Variants in CCDC12 observed in about 807,000 individuals in gnomAD.
CCDC12 encodes the protein coiled-coil domain containing 12.
A neutral mutation model predicts 25.7 loss-of-function variants in CCDC12; 28 were observed. The observed-to-expected ratio is 1.09, with a 90% CI of 0.81 to 1.50. The LOEUF (loss-of-function observed/expected upper bound fraction) is 1.50. Among genes scored for constraint, CCDC12 ranks in the 40% most tolerant of loss-of-function variants. The pLI is 0.00. For missense variants in CCDC12, 198 were observed against 210.0 expected, an observed-to-expected ratio of 0.94 and a Z score of 0.35; for synonymous variants, 75 against 87.7, an observed-to-expected ratio of 0.86 and a Z score of 0.81.
At chr3:46,939,517 G>C (rs2033608178) in intron 2 of CCDC12, among the ~76,000 whole-genome samples, 1 of 152,250 alleles carries the variant, frequency 6.6e-6, no homozygotes, top group African/African-American at 2.4e-5. Context: ...GGGAAACTGT[G>C]CCAGCACCCA....
chr3:46,940,341 G>A (rs538238979), intron 2 of CCDC12, among the ~76,000 whole-genome samples: 5 of 152,304 alleles, frequency 3.3e-5, no homozygotes, highest in African/African-American at 1.2e-4. Flanking sequence ...AGACCCTCAC[G>A]TGTGCTGTGT....
chr3:46,927,134 G>A (rs770936981), intron 2 of CCDC12, among the ~76,000 whole-genome samples: 6 of 152,266 alleles, frequency 3.9e-5, no homozygotes, highest in Middle Eastern at 3.4e-3. Context: ...GAACCACTGC[G>A]GGCGATGGGG....
chr3:46,950,011 G>A (rs1264065445), intron 1 of CCDC12, among the ~76,000 whole-genome samples: 5 of 139,774 alleles, frequency 3.6e-5, no homozygotes, highest in Non-Finnish European at 6.1e-5. Flanking sequence ...GGGTGACAGA[G>A]TGAGACTCCA....
chr3:46,941,093 C>G, intron 1 of CCDC12, 28 bp from the exon 2 acceptor site: 1 of 1,612,098 alleles, frequency 6.2e-7, no homozygotes. Context: ...AAACCACCAG[C>G]TCAGTTGAAA....
rs1368485693 is a variant in CCDC12, at chr3:46,922,292, G to T, written c.362C>A (p.Ala121Asp). ...CTTTTTTAGTTTCTCCAGCTTCTTGGCCACATCTCTCTTGAGGTCCCTGGA... is the reference window on the plus strand; with the variant it reads ...CTTTTTTAGTTTCTCCAGCTTCTTGTCCACATCTCTCTTGAGGTCCCTGGA... ...KPDWDLKRDV[A>D]KKLEKLKKRT... Residue 121 changes from alanine (A) to aspartate (D), a missense_variant, in exon 6 of 7, where the codon GCC (alanine) becomes GAC (aspartate). Coordinates refer to ENST00000683445, the MANE Select transcript of CCDC12 (RefSeq NM_001277074.2). 1.2e-6 allele frequency: 2 copies of T among 1,614,132 alleles called. No homozygotes were observed. Among genetic ancestry groups the T allele is most frequent in the Middle Eastern group, 1.6e-4 (1 of 6,084 alleles).
chr3:46,959,249 T>C (rs538497126), intron 1 of CCDC12, among the ~76,000 whole-genome samples: 17 of 152,292 alleles, frequency 1.1e-4, no homozygotes, highest in African/African-American at 3.6e-4. Context: ...TATGGAAAGG[T>C]TGAGAAAGCA....
rs1283999579 is a variant in CCDC12 at position 46,963,167 on chromosome 3, G to A, written c.96+13470C>T. Among the ~76,000 whole-genome samples the A allele has an allele frequency of 5.9e-5, 9 of 152,322 alleles. No homozygotes were observed. The South Asian group carries it at 1.0e-3, about 18-fold the overall frequency. ...CAAGTCCAGAGTGGTTCCCCTTGAA[G>A]AGTGAGCACCTGAGAAGTGATTCTG... On this transcript the variant is annotated intron_variant, in intron 1 of 6. Coordinates refer to ENST00000683445, the MANE Select transcript of CCDC12 (RefSeq NM_001277074.2).
chr3:46,968,389 A>G (rs1222164945), intron 1 of CCDC12, among the ~76,000 whole-genome samples: 8 of 152,178 alleles, frequency 5.3e-5, no homozygotes, highest in African/African-American at 1.9e-4. Context: ...CCAGCGGAGA[A>G]GGCTGCAGGA....
At chr3:46,938,518 GTTT>G (rs66474878) in intron 2 of CCDC12, among the ~76,000 whole-genome samples, 3 of 91,376 alleles carry the variant, frequency 3.3e-5, no homozygotes, top group Non-Finnish European at 6.1e-5. Context: ...TTCCCCTCCT[GTTT>G]TTTTTTTTTT....
intron 1 of CCDC12, among the ~76,000 whole-genome samples, chr3:46,957,841 G>A (rs936401262): frequency 1.3e-4 from 20 of 152,102 alleles, no homozygotes; most frequent in Non-Finnish European, 2.4e-4. Context: ...TTCTCGGGAG[G>A]CTGAGGCAGG....
intron 2 of CCDC12, among the ~76,000 whole-genome samples, chr3:46,928,506 G>A (rs990111691): frequency 6.6e-6 from 1 of 152,036 alleles, no homozygotes; most frequent in East Asian, 1.9e-4. Flanking sequence ...AATTACTTTT[G>A]CACCAACCTC....
intron 1 of CCDC12, among the ~76,000 whole-genome samples, chr3:46,972,476 G>A (rs1559567865): frequency 6.6e-6 from 1 of 152,106 alleles, no homozygotes; most frequent in Non-Finnish European, 1.5e-5. Flanking sequence ...AAAAATATGG[G>A]CAAAAGGAAT....
chr3:46,960,039 G>T (rs1267095788), intron 1 of CCDC12, among the ~76,000 whole-genome samples: 1 of 152,100 alleles, frequency 6.6e-6, no homozygotes, highest in Non-Finnish European at 1.5e-5. Context: ...GCATGCAAGT[G>T]TTGTCCCCCA....
intron 4 of CCDC12, 67 bp from the exon 5 acceptor site, chr3:46,923,430 G>C (rs181182805): frequency 2.6e-6 from 4 of 1,549,564 alleles, no homozygotes; most frequent in South Asian, 1.2e-5. Context: ...GGGCAGGCTC[G>C]AGAAGGAGGG....
At chr3:46,977,422 G>T (rs925652161), upstream of CCDC12, among the ~76,000 whole-genome samples, 1 of 149,242 alleles carries the variant, frequency 6.7e-6, no homozygotes, top group Non-Finnish European at 1.5e-5. Context: ...GCAGTGAGCC[G>T]AGATCGTGCC....
chr3:46,932,315 A>G lies in CCDC12; in HGVS notation c.165-6780T>C, dbSNP rs188793387. On this transcript the variant is annotated intron_variant, in intron 2 of 6. Coordinates refer to ENST00000683445, the MANE Select transcript of CCDC12 (RefSeq NM_001277074.2). ...AGAGTGCCCTAGAGTGGCCTAAAGT[A>G]CCACCAGGCTATGAGGGCAAAGGAC... is the stretch of plus-strand genomic sequence containing the variant. Among the ~76,000 whole-genome samples the G allele has an allele frequency of 3.3e-5, 5 of 152,320 alleles. No homozygotes were observed. In the East Asian group the frequency reaches 9.7e-4, roughly 29 times the overall value.
chr3:46,977,757 G>A (rs146290464), upstream of CCDC12, among the ~76,000 whole-genome samples: 125 of 152,302 alleles, frequency 8.2e-4, no homozygotes, highest in African/African-American at 2.7e-3. Flanking sequence ...TCCCGGGGAA[G>A]AGCAAACCCC....
At chr3:46,936,533 T>C (rs550855246) in intron 2 of CCDC12, among the ~76,000 whole-genome samples, 11 of 152,338 alleles carry the variant, frequency 7.2e-5, no homozygotes, top group African/African-American at 2.6e-4. Flanking sequence ...TTGAAGATTC[T>C]GCGGCTCACT....
intron 1 of CCDC12, among the ~76,000 whole-genome samples, chr3:46,963,937 C>T (rs1481053513): frequency 6.6e-6 from 1 of 151,154 alleles, no homozygotes; most frequent in East Asian, 1.9e-4. Context: ...ATGTGAGGAG[C>T]CCCTCTGCCT....
Sources: gnomAD v4.1 joint callset for allele counts (sites outside exome capture counted in the v4.1 genomes callset) on GRCh38, gnomAD v4.1.1 for gene constraint, MANE v1.5 for transcripts, NCBI Gene and HGNC (gene_info 2026-07-23, HGNC 2026-07-21) for gene names.